PVALEF: variants seen among roughly 807,000 people sequenced by gnomAD.
PVALEF encodes parvalbumin-like EF-hand-containing protein.
PVALEF carries 2 observed loss-of-function variants against 1.2 expected under a neutral mutation model. That is an observed-to-expected ratio of 1.68 (90% CI 0.69 to 5.28). PVALEF has a LOEUF of 5.28. Ranked by LOEUF, PVALEF falls within the 30% of genes most tolerant of loss-of-function variation. PVALEF has a pLI of 0.06. For synonymous variants in PVALEF, 16 were observed against 6.5 expected (o/e 2.47, Z -2.24); for missense variants, 35 against 17.7 (o/e 1.97, Z -1.75).
chr17:81,176,597 AACCTCC>A (rs1478745358), intron 2 of PVALEF, among the ~76,000 whole-genome samples: 1 of 151,962 alleles, frequency 6.6e-6, no homozygotes, highest in Non-Finnish European at 1.5e-5. Flanking sequence ...AAAAAAAAAA[AACCTCC>A]AGAGAATCAC....
chr17:81,180,057 C>T (rs1056971285), intron 3 of PVALEF, among the ~76,000 whole-genome samples: 3 of 152,154 alleles, frequency 2.0e-5, no homozygotes, highest in East Asian at 1.9e-4. Flanking sequence ...CGCGGATGCA[C>T]GAGCTATAAA....
chr17:81,181,585 A>G lies in PVALEF; in HGVS notation c.133A>G (p.Lys45Glu), dbSNP rs76435140. Residue 45 changes from lysine to glutamate, a missense_variant, in exon 5 of 7, where the codon AAG (lysine) becomes GAG (glutamate). By Grantham distance (56) the Lys-to-Glu change is moderately conservative (BLOSUM62 1). Transcript: ENST00000637878. ...HGSFNYLKFF[K>E]HIRKLHASGQ... ...GTCCTTCAACTACCTCAAGTTCTTC[A>G]AGCACATCCGCAAGCTCCACGCCTC... 4.0e-3 allele frequency: 1,747 copies of G among 437,796 alleles called. 31 individuals are homozygous for G. The highest frequency in any genetic ancestry group is 0.032 in the African/African-American group (1,595 of 49,542). 27.1% of individuals were successfully genotyped at this position (437,796 alleles called of 1,614,324 possible).
chr17:81,182,835 T>C lies in PVALEF; in HGVS notation c.359-130T>C, dbSNP rs74002100. On this transcript the variant is annotated intron_variant, in intron 6 of 6. Transcript: ENST00000637878. ...GGAGGCCTGGTCCCTGCTCAAGGAC[T>C]TGGGGACAGGACCCCCTGGACTGTG... is the stretch of plus-strand genomic sequence containing the variant. 2,768 of 394,952 alleles carry C rather than the reference T, an allele frequency of 7.0e-3. 58 individuals carry two copies. Among genetic ancestry groups the C allele is most frequent in the African/African-American group, 0.052 (2,546 of 48,674 alleles). 24.5% of individuals were successfully genotyped at this position (394,952 alleles called of 1,614,324 possible). A position where few individuals can be genotyped will look rare whatever the true frequency, so the allele number is the denominator to read the frequency against.
intron 2 of PVALEF, among the ~76,000 whole-genome samples, chr17:81,168,797 G>C: frequency 6.6e-6 from 1 of 152,202 alleles, no homozygotes; most frequent in East Asian, 1.9e-4. Flanking sequence ...AGAGAGCCTG[G>C]GGGTCTGGGG....
intron 1 of PVALEF, among the ~76,000 whole-genome samples, 151 bp from the exon 2 acceptor site, chr17:81,166,526 G>A (rs2061494311): frequency 1.9e-5 from 2 of 103,476 alleles, no homozygotes; most frequent in South Asian, 3.9e-4. Flanking sequence ...AACGGAAGTC[G>A]TGAATGGTAA....
At chr17:81,167,455 G>A (rs2146440433) in intron 2 of PVALEF, among the ~76,000 whole-genome samples, 1 of 152,378 alleles carries the variant, frequency 6.6e-6, no homozygotes, top group South Asian at 2.1e-4. Context: ...CTGTGGAGCA[G>A]GTGAGAGGCG....
chr17:81,178,214 C>T (rs1192106250), intron 2 of PVALEF, among the ~76,000 whole-genome samples: 1 of 152,174 alleles, frequency 6.6e-6, no homozygotes, highest in Non-Finnish European at 1.5e-5. Context: ...CAATACCCTC[C>T]CACCTCCAAC....
chr17:81,181,447 C>T (rs562646165), intron 4 of PVALEF, 112 bp from the exon 5 acceptor site: 102 of 516,992 alleles, frequency 2.0e-4, no homozygotes, highest in Admixed American at 9.7e-4. Context: ...CTGCGGCGGG[C>T]GGGGACATGG....
intron 1 of PVALEF, chr17:81,165,996 C>A (rs1483963349): frequency 6.4e-7 from 1 of 1,566,486 alleles, no homozygotes; most frequent in Non-Finnish European, 8.6e-7. Context: ...ACGACATGGC[C>A]GGGCCAGCGG....
chr17:81,182,413 C>A (rs2061557879), intron 6 of PVALEF, among the ~76,000 whole-genome samples: 1 of 152,216 alleles, frequency 6.6e-6, no homozygotes, highest in African/African-American at 2.4e-5. Flanking sequence ...CCCACACAAC[C>A]CCAGTGGCTG....
chr17:81,168,736 A>G (rs569199576), intron 2 of PVALEF, among the ~76,000 whole-genome samples: 2 of 152,320 alleles, frequency 1.3e-5, no homozygotes, highest in South Asian at 4.1e-4. Context: ...AAAAAGGCCA[A>G]GAACCCAGCA....
At chr17:81,166,569 G>C (rs866788154) in intron 1 of PVALEF, 108 bp from the exon 2 acceptor site, 3 of 380,392 alleles carry the variant, frequency 7.9e-6, no homozygotes, top group East Asian at 8.0e-5. Flanking sequence ...ACGCCGGGGT[G>C]GGGGAGGGGG....
chr17:81,177,084 C>G (rs938378518), intron 2 of PVALEF, among the ~76,000 whole-genome samples: 7 of 151,464 alleles, frequency 4.6e-5, no homozygotes, highest in Non-Finnish European at 8.8e-5. Context: ...GCACCACCAA[C>G]GCTGGCTAAT....
At chr17:81,168,681 T>C (rs2061507767) in intron 2 of PVALEF, among the ~76,000 whole-genome samples, 1 of 152,086 alleles carries the variant, frequency 6.6e-6, no homozygotes, top group Admixed American at 6.5e-5. Context: ...GGAGCCCAGA[T>C]TGGCTGGGAG....
intron 2 of PVALEF, among the ~76,000 whole-genome samples, chr17:81,177,798 C>T (rs1346123588): frequency 6.6e-6 from 1 of 152,226 alleles, no homozygotes; most frequent in Non-Finnish European, 1.5e-5. Context: ...AAAGCTATTA[C>T]AGATAATATT....
At chr17:81,174,948 C>CAA (rs35163275) in intron 2 of PVALEF, among the ~76,000 whole-genome samples, 58,091 of 131,366 alleles carry the variant, frequency 0.44, 13,673 homozygotes, top group East Asian at 0.66. Context: ...GACTCCGTCT[C>CAA]AAAAAAAAAA....
chr17:81,181,075 T>A, intron 3 of PVALEF, 48 bp from the exon 4 acceptor site: 2 of 559,044 alleles, frequency 3.6e-6, no homozygotes, highest in Non-Finnish European at 6.4e-6. Flanking sequence ...CTCGGGGCCC[T>A]GGCATGACCC....
chr17:81,178,584 C>T (rs2061543044), intron 2 of PVALEF, among the ~76,000 whole-genome samples: 1 of 152,190 alleles, frequency 6.6e-6, no homozygotes, highest in Admixed American at 6.5e-5. Context: ...TTCCACCCGG[C>T]CCAAGCCCGC....
At chr17:81,165,865 C>G (rs1280313232) in intron 1 of PVALEF, 118 bp downstream of exon 1, 1 of 1,535,100 alleles carries the variant, frequency 6.5e-7, no homozygotes, top group Non-Finnish European at 8.8e-7. Context: ...AACCGGGAGC[C>G]GTGGGGCCCA....
Sources: gnomAD v4.1 joint callset for allele counts (sites outside exome capture counted in the v4.1 genomes callset) on GRCh38, gnomAD v4.1.1 for gene constraint, MANE v1.5 for transcripts, NCBI Gene and HGNC (gene_info 2026-07-23, HGNC 2026-07-21) for gene names.